Variants in PAK2 observed in about 807,000 individuals in gnomAD.
The protein encoded by PAK2 is serine/threonine-protein kinase PAK 2.
In PAK2, 21 loss-of-function variants were observed where a neutral mutation model predicts 65.9. The observed-to-expected ratio is 0.32, with a 90% CI of 0.23 to 0.46. The LOEUF (loss-of-function observed/expected upper bound fraction) is 0.46, where lower values mean the gene tolerates loss of function less well. Among genes scored for constraint, PAK2 ranks in the 20% least tolerant of loss-of-function variants. PAK2 has a pLI of 1.00. For missense variants in PAK2, 324 were observed against 642.6 expected, an observed-to-expected ratio of 0.50 and a Z score of 5.36; for synonymous variants, 204 against 219.7, an observed-to-expected ratio of 0.93 and a Z score of 0.63.
At chr3:196,825,289 T>TC (rs1711811994) in intron 13 of PAK2, among the ~76,000 whole-genome samples, 4 of 151,934 alleles carry the variant, frequency 2.6e-5, no homozygotes, top group East Asian at 3.9e-4. Flanking sequence ...GAGGTTGCCA[T>TC]GTGTTGAGAT....
intron 1 of PAK2, among the ~76,000 whole-genome samples, chr3:196,745,282 A>AT (rs34194625): frequency 0.07 from 6,529 of 92,756 alleles, 407 homozygotes; most frequent in African/African-American, 0.14. Context: ...CACCCAACTG[A>AT]TTTTTTTTTT....
chr3:196,788,955 C>T (rs1398436305), intron 2 of PAK2, among the ~76,000 whole-genome samples: 1 of 152,142 alleles, frequency 6.6e-6, no homozygotes, highest in Non-Finnish European at 1.5e-5. Context: ...TCATAAAGGG[C>T]CTTGTATTCT....
intron 2 of PAK2, among the ~76,000 whole-genome samples, chr3:196,797,613 G>A (rs1273056759): frequency 4.6e-5 from 7 of 151,942 alleles, no homozygotes; most frequent in Non-Finnish European, 7.4e-5. Flanking sequence ...TTAGCCAGGC[G>A]TGGTCGTGGG....
At chr3:196,799,660 C>T (rs1319459838) in intron 2 of PAK2, among the ~76,000 whole-genome samples, 1 of 152,110 alleles carries the variant, frequency 6.6e-6, no homozygotes. Flanking sequence ...GCCAAATGAA[C>T]TTTTATTTTT....
intron 2 of PAK2, among the ~76,000 whole-genome samples, chr3:196,799,853 A>T (rs1715365605): frequency 6.6e-6 from 1 of 152,106 alleles, no homozygotes; most frequent in Non-Finnish European, 1.5e-5. Flanking sequence ...GCCTTATGTG[A>T]TCTGCCCACC....
At chr3:196,781,703 C>T (rs977947924) in intron 1 of PAK2, among the ~76,000 whole-genome samples, 1 of 152,208 alleles carries the variant, frequency 6.6e-6, no homozygotes, top group African/African-American at 2.4e-5. Flanking sequence ...CGTGGGGGCT[C>T]ACGCCTATAA....
intron 7 of PAK2, 23 bp downstream of exon 7, chr3:196,807,937 CATT>C (rs1421775131): frequency 1.3e-6 from 2 of 1,576,832 alleles, no homozygotes; most frequent in East Asian, 4.5e-5. Flanking sequence ...CATTTTACAT[CATT>C]GTTAAATTGT....
chr3:196,797,421 C>T (rs893013772), intron 2 of PAK2, among the ~76,000 whole-genome samples: 3 of 151,906 alleles, frequency 2.0e-5, no homozygotes, highest in African/African-American at 7.3e-5. Flanking sequence ...TGAGGTTGCG[C>T]CACTGCACAC....
intron 1 of PAK2, among the ~76,000 whole-genome samples, chr3:196,781,103 T>C (rs7628195): frequency 0.027 from 4,128 of 152,352 alleles, 74 homozygotes; most frequent in Middle Eastern, 0.075. Flanking sequence ...TCTCAACTTA[T>C]ACCTACTTTT....
chr3:196,741,865 A>T (rs1713203236), intron 1 of PAK2, among the ~76,000 whole-genome samples: 1 of 152,174 alleles, frequency 6.6e-6, no homozygotes, highest in African/African-American at 2.4e-5. Flanking sequence ...TCTTCTAATC[A>T]GCAGATATTT....
chr3:196,740,277 GGGGAGCCGCCACCTGCGTGCT>G (rs978169556), intron 1 of PAK2, 120 bp downstream of exon 1: 3 of 152,360 alleles, frequency 2.0e-5, no homozygotes, highest in East Asian at 1.9e-4. Context: ...GCGCGGGGCC[GGGGAGCCGCCACCTGCGTGCT>G]GGGAGCCGCA....
chr3:196,810,247 G>C (rs914204003), intron 7 of PAK2, among the ~76,000 whole-genome samples: 3 of 151,852 alleles, frequency 2.0e-5, no homozygotes, highest in South Asian at 2.1e-4. Flanking sequence ...CTGAACATCT[G>C]AGAACCTAAT....
intron 1 of PAK2, among the ~76,000 whole-genome samples, chr3:196,749,226 T>C (rs1373578400): frequency 6.6e-6 from 1 of 152,118 alleles, no homozygotes; most frequent in Non-Finnish European, 1.5e-5. Context: ...CAAATACCTC[T>C]TTGAGACCTT....
At chr3:196,814,830 T>C (rs908121345) in intron 11 of PAK2, among the ~76,000 whole-genome samples, 11 of 152,142 alleles carry the variant, frequency 7.2e-5, no homozygotes, top group Non-Finnish European at 1.6e-4. Context: ...GTGATGATGA[T>C]CATTTACCAT....
chr3:196,743,937 A>G (rs550894803), intron 1 of PAK2, among the ~76,000 whole-genome samples: 2 of 152,360 alleles, frequency 1.3e-5, no homozygotes, highest in African/African-American at 4.8e-5. Flanking sequence ...GAAGTTTCTG[A>G]GACCGTAACT....
chr3:196,762,452 CG>C (rs1403436483), intron 1 of PAK2, among the ~76,000 whole-genome samples: 1 of 148,672 alleles, frequency 6.7e-6, no homozygotes, highest in Non-Finnish European at 1.5e-5. Flanking sequence ...CCCGGCACCT[CG>C]GGAGGCCGAG....
chr3:196,790,651 T>C (rs1273303311), intron 2 of PAK2, among the ~76,000 whole-genome samples: 1 of 152,180 alleles, frequency 6.6e-6, no homozygotes, highest in Non-Finnish European at 1.5e-5. Context: ...ATGAATAACT[T>C]ACACTGACAC....
rs781045160 is a variant in PAK2 at position 196,830,193 on chromosome 3, CTGTT to C, written c.*1790_*1793del. The C allele has an allele frequency of 2.6e-5, 4 of 152,082 alleles. No homozygotes were observed. Among genetic ancestry groups the C allele is most frequent in the Non-Finnish European group, 5.9e-5 (4 of 68,028 alleles). The allele number at this position is 152,082 out of a possible 1,614,324, so 9.4% of individuals were successfully genotyped here. On this transcript the variant is annotated 3_prime_UTR_variant, in exon 15 of 15. Coordinates refer to ENST00000327134, the MANE Select transcript of PAK2 (RefSeq NM_002577.4). ...GATGCAATTATAAGGAGAGAAGTGA[CTGTT>C]TTTTATTGATAAGGCAAGATTTTCA...
intron 1 of PAK2, among the ~76,000 whole-genome samples, chr3:196,745,944 G>T (rs1231087586): frequency 6.6e-6 from 1 of 150,616 alleles, no homozygotes; most frequent in Non-Finnish European, 1.5e-5. Context: ...GAGAATAATA[G>T]TAACTTCAGT....
Sources: gnomAD v4.1 joint callset for allele counts (sites outside exome capture counted in the v4.1 genomes callset) on GRCh38, gnomAD v4.1.1 for gene constraint, MANE v1.5 for transcripts, NCBI Gene and HGNC (gene_info 2026-07-23, HGNC 2026-07-21) for gene names.